LRP1B: variants seen among roughly 807,000 people sequenced by gnomAD.
LRP1B encodes the protein low-density lipoprotein receptor-related protein 1B.
In LRP1B, 217 loss-of-function variants were observed where a neutral mutation model predicts 556.6. The ratio of observed to expected loss-of-function variants is 0.39; its 90% CI spans 0.35 to 0.44. The LOEUF (loss-of-function observed/expected upper bound fraction) is 0.44, where lower values mean the gene tolerates loss of function less well. LRP1B is among the 20% of genes least tolerant of loss of function. LRP1B has a pLI of 1.00. For missense variants in LRP1B, 5,053 were observed against 5,620.8 expected, an observed-to-expected ratio of 0.90 and a Z score of 3.23; for synonymous variants, 2,047 against 1,865.8, an observed-to-expected ratio of 1.10 and a Z score of -2.50.
intron 12 of LRP1B, among the ~76,000 whole-genome samples, chr2:141,017,648 T>C (rs1216967351): frequency 1.3e-5 from 2 of 151,524 alleles, no homozygotes; most frequent in Non-Finnish European, 2.9e-5. Flanking sequence ...AGGTTACATA[T>C]ATATATATGT....
intron 84 of LRP1B, among the ~76,000 whole-genome samples, chr2:140,293,830 G>A (rs1488682735): frequency 6.6e-6 from 1 of 152,070 alleles, no homozygotes; most frequent in African/African-American, 2.4e-5. Flanking sequence ...ACAACTCCTG[G>A]GGTCCAATTC....
chr2:140,595,127 T>A (rs1406979124), intron 43 of LRP1B, among the ~76,000 whole-genome samples: 1 of 120,506 alleles, frequency 8.3e-6, no homozygotes, highest in Non-Finnish European at 1.8e-5. Flanking sequence ...TATATATATA[T>A]ATATATATAT....
At chr2:141,291,855 CAAAAAAAAAAAAAAAAAAAA>C (rs143819331) in intron 3 of LRP1B, among the ~76,000 whole-genome samples, 4 of 99,332 alleles carry the variant, frequency 4.0e-5, no homozygotes, top group Non-Finnish European at 5.8e-5. Context: ...GACTCTGTCT[CAAAAAAAAAAAAAAAAAAAA>C]AAAAAAAAAA....
chr2:141,081,234 C>T (rs1699914904), intron 7 of LRP1B, among the ~76,000 whole-genome samples: 2 of 152,086 alleles, frequency 1.3e-5, no homozygotes, highest in Non-Finnish European at 2.9e-5. Flanking sequence ...TTTGAATATA[C>T]AGGGTTTGAT....
intron 17 of LRP1B, 132 bp from the exon 18 acceptor site, chr2:140,982,408 G>T: frequency 1.7e-6 from 1 of 592,150 alleles, no homozygotes; most frequent in Non-Finnish European, 2.9e-6. Flanking sequence ...TATTTTAAAA[G>T]TCCATTTTTA....
At position 141,193,743 on chromosome 2, in the gene LRP1B, A is replaced by C. The variant is rs72981926; in HGVS notation, c.851-5160T>G. The stretch of plus-strand genomic sequence containing the variant: ...CCTAAAATAAAAGTTAGAAAAAAAA[A>C]CCCACAAAATTGAGAAAGTCAAATC... On this transcript the variant is annotated intron_variant, in intron 6 of 90. Transcript: ENST00000389484. Among the ~76,000 whole-genome samples, 1,062 of 152,006 alleles carry C rather than the reference A, an allele frequency of 7.0e-3. 12 individuals carry two copies. Among genetic ancestry groups the C allele is most frequent in the African/African-American group, 0.021 (888 of 41,474 alleles).
At chr2:140,785,886 A>C (rs1377870515) in intron 32 of LRP1B, among the ~76,000 whole-genome samples, 2 of 151,880 alleles carry the variant, frequency 1.3e-5, no homozygotes, top group East Asian at 3.9e-4. Context: ...TTCCCTCTCC[A>C]CCTCGATTGC....
At chr2:140,319,482 G>A (rs1038810834) in intron 82 of LRP1B, among the ~76,000 whole-genome samples, 1 of 152,066 alleles carries the variant, frequency 6.6e-6, no homozygotes, top group Non-Finnish European at 1.5e-5. Flanking sequence ...GACAGTTAAA[G>A]GATCTGTTTC....
intron 1 of LRP1B, among the ~76,000 whole-genome samples, chr2:141,919,018 A>AT (rs1191858213): frequency 6.6e-6 from 1 of 151,930 alleles, no homozygotes; most frequent in Non-Finnish European, 1.5e-5. Flanking sequence ...GGTACCTTAA[A>AT]TTTTTTTTCT....
intron 3 of LRP1B, among the ~76,000 whole-genome samples, chr2:141,372,514 G>A (rs1003018034): frequency 4.6e-5 from 7 of 151,846 alleles, no homozygotes; most frequent in African/African-American, 1.4e-4. Context: ...TGGTCCTGGC[G>A]TTTTTTAGGG....
intron 2 of LRP1B, among the ~76,000 whole-genome samples, chr2:141,722,776 A>C (rs947717858): frequency 8.8e-5 from 13 of 148,214 alleles, no homozygotes; most frequent in Admixed American, 4.1e-4. Flanking sequence ...ATAGATAGAT[A>C]GATCAATCTA....
chr2:142,098,699 A>T (rs910477643), intron 1 of LRP1B, among the ~76,000 whole-genome samples: 1 of 151,814 alleles, frequency 6.6e-6, no homozygotes, highest in Non-Finnish European at 1.5e-5. Flanking sequence ...CATTCAGAAC[A>T]GTAGAGCCAG....
Position 141,441,447 on chromosome 2 carries a change from G to A in LRP1B, c.343+38949C>T, listed in dbSNP as rs535860439. On this transcript the variant is annotated intron_variant, in intron 3 of 90. Coordinates refer to ENST00000389484, the MANE Select transcript of LRP1B (RefSeq NM_018557.3). The stretch of plus-strand genomic sequence containing the variant: ...TTCCACTGATCCCTAAGGAATCTCA[G>A]TAACTTAGAAGCACACTTAAACCAT... 1.4e-4 allele frequency among the ~76,000 whole-genome samples: 21 copies of A among 152,264 alleles called. No individual in the cohort carries two copies. In the South Asian group the frequency reaches 4.4e-3, roughly 32 times the overall value.
intron 10 of LRP1B, among the ~76,000 whole-genome samples, chr2:141,051,071 A>C (rs1699021450): frequency 6.6e-6 from 1 of 152,168 alleles, no homozygotes; most frequent in Non-Finnish European, 1.5e-5. Context: ...TCAAAACCAC[A>C]ATGAGATACT....
At chr2:141,994,283 T>C (rs1439603144) in intron 1 of LRP1B, among the ~76,000 whole-genome samples, 7 of 152,192 alleles carry the variant, frequency 4.6e-5, no homozygotes, top group African/African-American at 1.7e-4. Flanking sequence ...ATTTTGTTAA[T>C]GGCCTTAGGT....
chr2:140,478,429 G>C (rs111654329), intron 59 of LRP1B, among the ~76,000 whole-genome samples: 1 of 152,120 alleles, frequency 6.6e-6, no homozygotes, highest in Non-Finnish European at 1.5e-5. Context: ...GGTTACAGGC[G>C]TGAGCCACCG....
In LRP1B at chr2:141,573,649, A is replaced by G. The variant is rs1433609779; in HGVS notation, c.206-93116T>C. On this transcript the variant is annotated intron_variant, in intron 2 of 90. Coordinates refer to ENST00000389484, the MANE Select transcript of LRP1B (RefSeq NM_018557.3). ...GAAAAACCCTCCAAAAAAAAAAAAA[A>G]TCAATGAATCCAAGGGCTGGGTTTT... Among the ~76,000 whole-genome samples, 3 of 148,856 alleles carry G rather than the reference A, an allele frequency of 2.0e-5. No individual in the cohort carries two copies. In the East Asian group the frequency reaches 6.1e-4, roughly 30 times the overall value.
chr2:141,003,917 T>C (rs1697496773), intron 15 of LRP1B, among the ~76,000 whole-genome samples: 1 of 152,078 alleles, frequency 6.6e-6, no homozygotes. Flanking sequence ...TATATCATTA[T>C]AAGAAACTCT....
At chr2:140,864,830 T>A (rs1292763316) in intron 27 of LRP1B, among the ~76,000 whole-genome samples, 2 of 152,042 alleles carry the variant, frequency 1.3e-5, no homozygotes, top group Non-Finnish European at 2.9e-5. Flanking sequence ...AGATACATTA[T>A]CTCCAGTTTG....
Sources: allele counts gnomAD v4.1 joint callset (sites outside exome capture counted in the v4.1 genomes callset), GRCh38; gene constraint gnomAD v4.1.1; transcripts MANE v1.5; gene names NCBI Gene and HGNC (gene_info 2026-07-23, HGNC 2026-07-21).